ZNF766: variants seen among roughly 807,000 people sequenced by gnomAD.
ZNF766 encodes the protein zinc finger protein 766.
Under a neutral mutation model 13.2 loss-of-function variants are expected in ZNF766, and 13 were observed. The observed-to-expected ratio is 0.98, with a 90% CI of 0.64 to 1.56. ZNF766 has a LOEUF of 1.56. Ranked by LOEUF, ZNF766 falls within the 40% of genes most tolerant of loss-of-function variation. The pLI is 0.00. For synonymous variants in ZNF766, 178 were observed against 187.6 expected (o/e 0.95, Z 0.42); for missense variants, 521 against 552.2 (o/e 0.94, Z 0.57).
chr19:52,270,508 G>T (rs551884160), intron 1 of ZNF766, among the ~76,000 whole-genome samples: 11 of 152,210 alleles, frequency 7.2e-5, no homozygotes, highest in African/African-American at 2.6e-4. Context: ...CAAAGTTGGG[G>T]AGAGGAGGAG....
rs368979371 is a variant in ZNF766 at position 52,290,576 on chromosome 19, A to C, written c.785A>C (p.Glu262Ala). ...FNRIAYLARH[E>A]KVHTGESPYK... The stretch of plus-strand genomic sequence containing the variant: ...CGAATTGCATACCTTGCACGACACG[A>C]GAAAGTGCATACTGGAGAGAGTCCT... Residue 262 changes from glutamate (E) to alanine (A), a missense_variant, in exon 4 of 4, where the codon GAG becomes GCG. Physicochemically the swap from Glu to Ala is moderately radical, Grantham distance 107. Coordinates refer to ENST00000439461, the MANE Select transcript of ZNF766 (RefSeq NM_001010851.3). 31 of 1,614,142 alleles carry C rather than the reference A, an allele frequency of 1.9e-5. No individual in the cohort carries two copies. The highest frequency in any genetic ancestry group is 1.7e-4 in the Middle Eastern group (1 of 6,060).
At chr19:52,287,790 C>T (rs925528686) in intron 3 of ZNF766, among the ~76,000 whole-genome samples, 4 of 151,986 alleles carry the variant, frequency 2.6e-5, no homozygotes, top group African/African-American at 9.7e-5. Context: ...CATTTAATTT[C>T]CATTTTTATT....
At position 52,290,342 on chromosome 19, in the gene ZNF766, GA is replaced by G; in HGVS notation, c.555del (p.Lys185AsnfsTer23). On this transcript the variant is annotated frameshift_variant, in exon 4 of 4. Coordinates refer to ENST00000439461, the MANE Select transcript of ZNF766 (RefSeq NM_001010851.3). LOFTEE classifies it low-confidence loss of function (END_TRUNC). ...CAAGAACAGAAAGCACACATTAGGA[GA>G]AAACCTTACGAATGTAATGAGCAGG... ...LSQEQKAHIR[R>X]KPYECNEQGK... 6.2e-7 allele frequency: 1 copy of G among 1,614,102 alleles called. No homozygotes were observed. The highest frequency in any genetic ancestry group is 8.5e-7 in the Non-Finnish European group (1 of 1,180,026).
chr19:52,295,532 T>G lies in ZNF766; in HGVS notation c.*4334T>G, dbSNP rs1392917396. The stretch of plus-strand genomic sequence containing the variant: ...TTTCCGAATGTCACTCTAGTGAAAA[T>G]TTTAGGGGACACAAAAATGAGACTG... On this transcript the variant is annotated 3_prime_UTR_variant, in exon 4 of 4. Coordinates refer to ENST00000439461, the MANE Select transcript of ZNF766 (RefSeq NM_001010851.3). 1.3e-5 allele frequency: 2 copies of G among 152,136 alleles called. No homozygotes were observed. The highest frequency in any genetic ancestry group is 2.9e-5 in the Non-Finnish European group (2 of 68,030). The allele number at this position is 152,136 out of a possible 1,614,324, so 9.4% of individuals were successfully genotyped here.
intron 1 of ZNF766, among the ~76,000 whole-genome samples, chr19:52,279,318 G>C (rs1321115045): frequency 6.6e-6 from 1 of 152,112 alleles, no homozygotes; most frequent in African/African-American, 2.4e-5. Context: ...GATGCCTCCA[G>C]CTTTGTTCTT....
rs761661437 is a variant in ZNF766 at position 52,271,818 on chromosome 19, G to GACAGTAC, written c.18+2187_18+2188insACAGTAC. On this transcript the variant is annotated intron_variant, in intron 1 of 3. Transcript: ENST00000439461. ...CTACTAAAAATACAAAAATTAGCTG[G>GACAGTAC]GTGTGGTGACACGTACCTGTATTCC... is the stretch of plus-strand genomic sequence containing the variant. 2.6e-4 allele frequency among the ~76,000 whole-genome samples: 40 copies of GACAGTAC among 152,048 alleles called. 1 individual carries two copies. Among genetic ancestry groups the GACAGTAC allele is most frequent in the Non-Finnish European group, 4.9e-4 (33 of 67,978 alleles).
rs951025332 is a variant in ZNF766 at position 52,292,727 on chromosome 19, TG to T, written c.*1530del. 6.6e-6 allele frequency: 1 copy of T among 152,298 alleles called. No individual in the cohort carries two copies. The highest frequency in any genetic ancestry group is 2.4e-5 in the African/African-American group (1 of 41,460). 9.4% of individuals were successfully genotyped at this position (152,298 alleles called of 1,614,324 possible). On this transcript the variant is annotated 3_prime_UTR_variant, in exon 4 of 4. Transcript: ENST00000439461. Reference sequence around the variant, plus strand: ...AAGTTGAAATTTTCCAAAGTGTGAATGATTTACCTTCTTTCTACCAATATTG... The same window carrying T: ...AAGTTGAAATTTTCCAAAGTGTGAATATTTACCTTCTTTCTACCAATATTG...
chr19:52,285,618 C>A (rs1215822701), intron 3 of ZNF766, among the ~76,000 whole-genome samples: 1 of 152,204 alleles, frequency 6.6e-6, no homozygotes, highest in East Asian at 1.9e-4. Context: ...GTGCCACTCT[C>A]CAGGAAGCCG....
intron 1 of ZNF766, among the ~76,000 whole-genome samples, 155 bp downstream of exon 1, chr19:52,269,786 C>T (rs2657929): frequency 0.15 from 22,725 of 152,242 alleles, 1,983 homozygotes; most frequent in African/African-American, 0.22. Flanking sequence ...TAAAATCGCC[C>T]TAGGGCTGGT....
At position 52,291,923 on chromosome 19, in the gene ZNF766, A is replaced by G; in HGVS notation, c.*725A>G. 1 of 512,268 alleles carries G rather than the reference A, an allele frequency of 2.0e-6. No homozygotes were observed. The allele number at this position is 512,268 out of a possible 1,614,324, so 31.7% of individuals were successfully genotyped here. A position where few individuals can be genotyped will look rare whatever the true frequency, so the allele number is the denominator to read the frequency against. ...GGCCCATCCCTACAAAATAAAAAAA[A>G]TAAGCCAGGCCCTTGGCATGTGTCT... On this transcript the variant is annotated 3_prime_UTR_variant, in exon 4 of 4. Transcript: ENST00000439461.
intron 3 of ZNF766, among the ~76,000 whole-genome samples, chr19:52,285,370 G>GC (rs1156862758): frequency 4.6e-5 from 7 of 152,136 alleles, no homozygotes; most frequent in Non-Finnish European, 7.3e-5. Context: ...TCCAAGACTT[G>GC]CCCCCCTTCC....
At chr19:52,274,220 C>A (rs1208058428) in intron 1 of ZNF766, among the ~76,000 whole-genome samples, 1 of 152,112 alleles carries the variant, frequency 6.6e-6, no homozygotes, top group Admixed American at 6.6e-5. Context: ...CAAGATCCCC[C>A]CAAGACTACC....
intron 3 of ZNF766, among the ~76,000 whole-genome samples, chr19:52,285,460 C>T (rs1041385637): frequency 6.6e-6 from 1 of 152,188 alleles, no homozygotes; most frequent in African/African-American, 2.4e-5. Flanking sequence ...TCTTTGGGCC[C>T]AATTAGTTTG....
At position 52,279,761 on chromosome 19, in the gene ZNF766, A is replaced by G. The variant is rs1474073798; in HGVS notation, c.19-2350A>G. ...ATTTGTGACTGGAGTTCAAGTTTCTATGTTTTTTTTTTCATGATTTACCTT... is the reference window on the plus strand; with the variant it reads ...ATTTGTGACTGGAGTTCAAGTTTCTGTGTTTTTTTTTTCATGATTTACCTT... On this transcript the variant is annotated intron_variant, in intron 1 of 3. Coordinates refer to ENST00000439461, the MANE Select transcript of ZNF766 (RefSeq NM_001010851.3). 1.2e-4 allele frequency among the ~76,000 whole-genome samples: 9 copies of G among 74,694 alleles called. 1 individual carries two copies. Among genetic ancestry groups the G allele is most frequent in the Non-Finnish European group, 2.2e-4 (8 of 35,588 alleles). The allele number at this position is 74,694 out of a possible 152,430, so 49.0% of individuals were successfully genotyped here.
Position 52,290,258 on chromosome 19 carries a change from T to C in ZNF766, c.467T>C (p.Val156Ala), listed in dbSNP as rs1982057114. The change falls in exon 4 of 4, where the codon GTC becomes GCC. Residue 156 changes from valine to alanine, a missense_variant. Transcript: ENST00000439461. ...VSPLQRIYSGVKTHIFNKHRN... is the reference protein window; with the variant it reads ...VSPLQRIYSGAKTHIFNKHRN... The stretch of plus-strand genomic sequence containing the variant: ...CCACTTCAAAGAATTTACTCTGGGG[T>C]CAAAACCCACATATTTAATAAACAT... 1.9e-6 allele frequency: 3 copies of C among 1,613,846 alleles called. No homozygotes were observed. Among genetic ancestry groups the C allele is most frequent in the Non-Finnish European group, 2.5e-6 (3 of 1,179,860 alleles).
intron 3 of ZNF766, among the ~76,000 whole-genome samples, chr19:52,287,854 G>A (rs10416012): frequency 0.085 from 12,964 of 151,646 alleles, 1,217 homozygotes; most frequent in African/African-American, 0.23. Flanking sequence ...TAGTTATTTC[G>A]GTCGTATGCT....
intron 1 of ZNF766, chr19:52,281,546 C>T (rs1471274721): frequency 1.3e-5 from 4 of 314,152 alleles, no homozygotes; most frequent in South Asian, 4.8e-5. Context: ...TACACTATCA[C>T]GTTAATGAGT....
In ZNF766 at chr19:52,294,048, CTG is replaced by C. The variant is rs1157468979; in HGVS notation, c.*2855_*2856del. The C allele has an allele frequency of 2.0e-5, 3 of 152,188 alleles. No individual in the cohort carries two copies. Among genetic ancestry groups the C allele is most frequent in the Admixed American group, 6.5e-5 (1 of 15,284 alleles). 9.4% of individuals were successfully genotyped at this position (152,188 alleles called of 1,614,324 possible). ...GATAAACATGCACTGTATTATGTTT[CTG>C]TGTGCCTTTTTCTTGTGTGCCAAGT... On this transcript the variant is annotated 3_prime_UTR_variant, in exon 4 of 4. Coordinates refer to ENST00000439461, the MANE Select transcript of ZNF766 (RefSeq NM_001010851.3).
intron 1 of ZNF766, among the ~76,000 whole-genome samples, chr19:52,275,066 C>T (rs1055964469): frequency 2.6e-5 from 4 of 152,120 alleles, no homozygotes; most frequent in Non-Finnish European, 5.9e-5. Flanking sequence ...CCACCATGGA[C>T]GTATTTCTGA....
Sources: gnomAD v4.1 joint callset for allele counts (sites outside exome capture counted in the v4.1 genomes callset) on GRCh38, gnomAD v4.1.1 for gene constraint, MANE v1.5 for transcripts, NCBI Gene and HGNC (gene_info 2026-07-23, HGNC 2026-07-21) for gene names.